The following CFAP299 variants were observed in gnomAD, a reference collection of about 807,000 sequenced individuals.
The protein encoded by CFAP299 is cilia- and flagella-associated protein 299.
In CFAP299, 21 loss-of-function variants were observed where a neutral mutation model predicts 27.0. The observed-to-expected ratio is 0.78, with a 90% CI of 0.55 to 1.12. The LOEUF (loss-of-function observed/expected upper bound fraction) is 1.12. Among genes scored for constraint, CFAP299 ranks in the 50% most tolerant of loss-of-function variants. The probability of loss-of-function intolerance (pLI) is 0.00; values close to 1 mark genes in which losing one functional copy is unlikely to be tolerated. For missense variants in CFAP299, 310 were observed against 276.6 expected, an observed-to-expected ratio of 1.12 and a Z score of -0.86; for synonymous variants, 104 against 98.1, an observed-to-expected ratio of 1.06 and a Z score of -0.36.
At chr4:80,882,452 C>A (rs1560461195) in intron 4 of CFAP299, among the ~76,000 whole-genome samples, 1 of 152,050 alleles carries the variant, frequency 6.6e-6, no homozygotes, top group Non-Finnish European at 1.5e-5. Context: ...TCCTGGCTAA[C>A]ACGGTGAAAC....
At chr4:80,514,005 A>T (rs1211056293) in intron 2 of CFAP299, among the ~76,000 whole-genome samples, 1 of 152,084 alleles carries the variant, frequency 6.6e-6, no homozygotes, top group Non-Finnish European at 1.5e-5. Flanking sequence ...GTGGTAAATG[A>T]TGTTCCAATG....
At chr4:80,747,543 A>G (rs1724692853) in intron 3 of CFAP299, among the ~76,000 whole-genome samples, 1 of 152,096 alleles carries the variant, frequency 6.6e-6, no homozygotes, top group South Asian at 2.1e-4. Flanking sequence ...GTGGTCAGCA[A>G]CAGACATTGA....
chr4:80,844,941 AG>A (rs1211058153), intron 3 of CFAP299, among the ~76,000 whole-genome samples: 1 of 152,154 alleles, frequency 6.6e-6, no homozygotes, highest in Non-Finnish European at 1.5e-5. Context: ...ATAAGGTGTA[AG>A]GAAGGGATCC....
At chr4:80,339,046 A>G (rs1028061539) in intron 1 of CFAP299, among the ~76,000 whole-genome samples, 2 of 152,156 alleles carry the variant, frequency 1.3e-5, no homozygotes, top group African/African-American at 4.8e-5. Flanking sequence ...GGCTGGAAGG[A>G]AGTGGTTAGA....
rs1432792633 is a variant in CFAP299, at chr4:80,584,656, T to C, written c.333+1473T>C. Among the ~76,000 whole-genome samples, 4 of 152,192 alleles carry C rather than the reference T, an allele frequency of 2.6e-5. No homozygotes were observed. The East Asian group carries it at 7.7e-4, about 29-fold the overall frequency. On this transcript the variant is annotated intron_variant, in intron 3 of 5. Transcript: ENST00000358105. ...GGGCGGATCATCTTATACCTCCAGT[T>C]GACCTGTATCTCTTCTACTATACAC...
At chr4:80,353,945 A>G (rs1723134173) in intron 1 of CFAP299, among the ~76,000 whole-genome samples, 1 of 152,230 alleles carries the variant, frequency 6.6e-6, no homozygotes, top group Non-Finnish European at 1.5e-5. Context: ...GCACCAAAAT[A>G]TATCCTAAAT....
intron 3 of CFAP299, among the ~76,000 whole-genome samples, chr4:80,727,657 C>A (rs982502359): frequency 2.6e-5 from 4 of 151,960 alleles, no homozygotes; most frequent in Admixed American, 6.6e-5. Context: ...AAAATACTGT[C>A]ATTTACTTGT....
In CFAP299 at chr4:80,493,416, T is replaced by C. The variant is rs1016359596; in HGVS notation, c.243-89677T>C. Reference sequence around the variant, plus strand: ...ATCTCACAGGCTAAACAAATTCCAATTGGCTAATTTAAAGATGATGGGATG... The same window carrying C: ...ATCTCACAGGCTAAACAAATTCCAACTGGCTAATTTAAAGATGATGGGATG... On this transcript the variant is annotated intron_variant, in intron 2 of 5. Coordinates refer to ENST00000358105, the MANE Select transcript of CFAP299 (RefSeq NM_152770.3). 4.6e-5 allele frequency among the ~76,000 whole-genome samples: 7 copies of C among 152,042 alleles called. No homozygotes were observed. The South Asian group carries it at 8.3e-4, about 18-fold the overall frequency.
chr4:80,631,863 C>A (rs1739225481), intron 3 of CFAP299, among the ~76,000 whole-genome samples: 1 of 42,964 alleles, frequency 2.3e-5, no homozygotes, highest in Non-Finnish European at 4.2e-5. Flanking sequence ...ATTTGTGCCC[C>A]ACCCCCCCCC....
chr4:80,625,956 A>C (rs1339978987), intron 3 of CFAP299, among the ~76,000 whole-genome samples: 1 of 152,006 alleles, frequency 6.6e-6, no homozygotes, highest in African/African-American at 2.4e-5. Context: ...TAAACACCCC[A>C]CTTCTGGAAA....
At chr4:80,389,621 G>T (rs1316781819) in intron 2 of CFAP299, among the ~76,000 whole-genome samples, 1 of 152,094 alleles carries the variant, frequency 6.6e-6, no homozygotes, top group East Asian at 1.9e-4. Flanking sequence ...GAGGAGAAAG[G>T]CTTGACTCTA....
intron 2 of CFAP299, chr4:80,386,987 GC>G: frequency 9.4e-7 from 1 of 1,059,528 alleles, no homozygotes; most frequent in Non-Finnish European, 1.5e-6. Context: ...CCTTGAACCT[GC>G]CCCCACTGCG....
At chr4:80,778,206 T>C (rs1483137100) in intron 3 of CFAP299, among the ~76,000 whole-genome samples, 2 of 152,164 alleles carry the variant, frequency 1.3e-5, no homozygotes, top group South Asian at 4.1e-4. Flanking sequence ...GTTTGTGCTA[T>C]AGACTGGTTC....
rs565186586 is a variant in CFAP299 at position 80,589,008 on chromosome 4, T to C, written c.333+5825T>C. On this transcript the variant is annotated intron_variant, in intron 3 of 5. Coordinates refer to ENST00000358105, the MANE Select transcript of CFAP299 (RefSeq NM_152770.3). ...GCAGTCTGGCTCCAGAGTCTGATTC[T>C]TAACCAGTATGCAAATGAACAAAAT... Among the ~76,000 whole-genome samples, 196 of 152,330 alleles carry C rather than the reference T, an allele frequency of 1.3e-3. 1 individual carries two copies. Among genetic ancestry groups the C allele is most frequent in the South Asian group, 2.9e-3 (14 of 4,826 alleles).
chr4:80,574,349 T>C (rs568790253), intron 2 of CFAP299, among the ~76,000 whole-genome samples: 1 of 152,304 alleles, frequency 6.6e-6, no homozygotes, highest in East Asian at 1.9e-4. Flanking sequence ...TAATAGTTTT[T>C]CAGTGGAGTC....
intron 2 of CFAP299, among the ~76,000 whole-genome samples, chr4:80,442,724 C>T (rs1222608729): frequency 1.3e-5 from 2 of 152,130 alleles, no homozygotes; most frequent in East Asian, 3.9e-4. Context: ...CTCGAAAAAC[C>T]CTTCAAAAAA....
intron 3 of CFAP299, among the ~76,000 whole-genome samples, chr4:80,685,676 A>C (rs1166328707): frequency 6.6e-6 from 1 of 150,922 alleles, no homozygotes. Context: ...GAATTTTTTG[A>C]TTAATTAAGG....
intron 2 of CFAP299, among the ~76,000 whole-genome samples, chr4:80,409,006 G>A (rs547010773): frequency 6.0e-4 from 90 of 149,498 alleles, no homozygotes; most frequent in East Asian, 3.9e-4. Context: ...GCTTAAGCCC[G>A]GGAGGCAGTA....
intron 3 of CFAP299, among the ~76,000 whole-genome samples, chr4:80,829,560 C>A (rs545769787): frequency 9.9e-5 from 15 of 152,052 alleles, no homozygotes; most frequent in South Asian, 8.3e-4. Context: ...TATGATCCAG[C>A]AATTTGATTT....
Sources: gnomAD v4.1 joint callset for allele counts (sites outside exome capture counted in the v4.1 genomes callset) on GRCh38, gnomAD v4.1.1 for gene constraint, MANE v1.5 for transcripts, NCBI Gene and HGNC (gene_info 2026-07-23, HGNC 2026-07-21) for gene names.